TRIM6: variants seen among roughly 807,000 people sequenced by gnomAD.
TRIM6 encodes tripartite motif-containing protein 6.
In TRIM6, 43 loss-of-function variants were observed where a neutral mutation model predicts 51.2. That is an observed-to-expected ratio of 0.84 (90% CI 0.66 to 1.08). TRIM6 has a LOEUF of 1.08. TRIM6 is among the 50% of genes least tolerant of loss of function. The probability of loss-of-function intolerance (pLI) is 0.00; values close to 1 mark genes in which losing one functional copy is unlikely to be tolerated. For missense variants in TRIM6, 669 were observed against 619.0 expected (o/e 1.08, Z -0.86); for synonymous variants, 215 against 232.4 (o/e 0.93, Z 0.68).
intron 4 of TRIM6, among the ~76,000 whole-genome samples, chr11:5,606,362 G>A (rs1848208392): frequency 6.6e-6 from 1 of 152,180 alleles, no homozygotes; most frequent in South Asian, 2.1e-4. Context: ...TGAAATTCTA[G>A]CAGCTATTTT....
rs1177565372 is a variant in TRIM6 at position 5,603,485 on chromosome 11, T to C, written c.257T>C (p.Val86Ala). ...CAAGAAGGGGAAAGAAGCTGCCCTG[T>C]GTGCCAGACCAGCTACCAGCCAGGG... ...IGQEGERSCP[V>A]CQTSYQPGNL... The change falls in exon 2 of 8, where the codon GTG becomes GCG. Residue 86 changes from valine to alanine, a missense_variant. Coordinates refer to ENST00000380097, the MANE Select transcript of TRIM6 (RefSeq NM_001003818.3). 2 of 1,614,106 alleles carry C rather than the reference T, an allele frequency of 1.2e-6. No homozygotes were observed. The highest frequency in any genetic ancestry group is 3.3e-5 in the Admixed American group (2 of 60,018).
intron 1 of TRIM6, 125 bp downstream of exon 1, chr11:5,597,039 C>G: frequency 6.7e-7 from 1 of 1,495,918 alleles, no homozygotes. Flanking sequence ...TTCTTTCTCA[C>G]TGCAAATGAC....
intron 5 of TRIM6, among the ~76,000 whole-genome samples, chr11:5,609,069 C>T (rs1276652143): frequency 1.3e-5 from 2 of 151,968 alleles, no homozygotes; most frequent in Admixed American, 1.3e-4. Context: ...TCTTTTGTCT[C>T]AATTCCAGTA....
intron 4 of TRIM6, among the ~76,000 whole-genome samples, chr11:5,606,083 G>A (rs963658801): frequency 1.3e-5 from 2 of 152,124 alleles, no homozygotes; most frequent in African/African-American, 2.4e-5. Flanking sequence ...GGCACCTCTC[G>A]TCTCTGATGC....
chr11:5,605,679 C>A, intron 4 of TRIM6, 112 bp downstream of exon 4: 1 of 1,314,734 alleles, frequency 7.6e-7, no homozygotes, highest in Non-Finnish European at 1.0e-6. Flanking sequence ...GAAAACATTC[C>A]TTTGGCGCTA....
chr11:5,598,379 A>C (rs1847606977), intron 1 of TRIM6, among the ~76,000 whole-genome samples: 1 of 152,146 alleles, frequency 6.6e-6, no homozygotes, highest in Non-Finnish European at 1.5e-5. Flanking sequence ...TCTGCTCAAG[A>C]ATTTTTCTCT....
At chr11:5,605,832 T>C (rs528636810) in intron 4 of TRIM6, among the ~76,000 whole-genome samples, 1 of 152,350 alleles carries the variant, frequency 6.6e-6, no homozygotes, top group South Asian at 2.1e-4. Flanking sequence ...AGTTCTGTTG[T>C]ATCCAGTGAT....
At chr11:5,597,018 T>C (rs912689509) in intron 1 of TRIM6, 104 bp downstream of exon 1, 5 of 1,567,998 alleles carry the variant, frequency 3.2e-6, no homozygotes, top group Non-Finnish European at 4.3e-6. Context: ...TCATTATATC[T>C]TTATTTCTTT....
At chr11:5,610,039 GA>G (rs1350269098) in intron 5 of TRIM6, 105 bp from the exon 6 acceptor site, 3 of 1,184,570 alleles carry the variant, frequency 2.5e-6, no homozygotes, top group Non-Finnish European at 3.6e-6. Flanking sequence ...AGTGTATTCA[GA>G]AAGGAGGATT....
At chr11:5,602,267 CA>C (rs1847910981) in intron 1 of TRIM6, among the ~76,000 whole-genome samples, 1 of 138,682 alleles carries the variant, frequency 7.2e-6, no homozygotes, top group South Asian at 2.2e-4. Flanking sequence ...AGTGAAACCT[CA>C]TCTCTACTAA....
intron 1 of TRIM6, among the ~76,000 whole-genome samples, chr11:5,601,321 T>C (rs568264360): frequency 1.2e-4 from 19 of 152,346 alleles, no homozygotes; most frequent in African/African-American, 3.8e-4. Context: ...AGGTGCATGA[T>C]TGTGTAAAGT....
At chr11:5,604,457 T>C (rs1358723746) in intron 2 of TRIM6, 77 bp from the exon 3 acceptor site, 1 of 1,477,142 alleles carries the variant, frequency 6.8e-7, no homozygotes, top group Non-Finnish European at 9.1e-7. Flanking sequence ...GCAGAATCTC[T>C]GTCCCATTCA....
chr11:5,610,412 G>A lies in TRIM6; in HGVS notation c.959-123G>A, dbSNP rs751049519. On this transcript the variant is annotated intron_variant, in intron 6 of 7. Transcript: ENST00000380097. ...ATGCGGTTTGTATTTAAGGGGAGATGAAATGGCCAGGTGACATCCTCACAG... is the reference window on the plus strand; with the variant it reads ...ATGCGGTTTGTATTTAAGGGGAGATAAAATGGCCAGGTGACATCCTCACAG... 5 of 1,588,896 alleles carry A rather than the reference G, an allele frequency of 3.1e-6. No homozygotes were observed. In the Admixed American group the frequency reaches 6.8e-5, roughly 22 times the overall value.
At chr11:5,601,741 G>C (rs1430957357) in intron 1 of TRIM6, among the ~76,000 whole-genome samples, 1 of 152,196 alleles carries the variant, frequency 6.6e-6, no homozygotes, top group Non-Finnish European at 1.5e-5. Context: ...CTGGGCGATA[G>C]AGCAAGACTC....
At chr11:5,608,269 T>C in intron 4 of TRIM6, 103 bp from the exon 5 acceptor site, 3 of 1,533,436 alleles carry the variant, frequency 2.0e-6, no homozygotes, top group Non-Finnish European at 2.6e-6. Context: ...ATTAGGATTA[T>C]CTTTATTTGT....
chr11:5,599,326 G>A (rs2133813513), intron 1 of TRIM6, among the ~76,000 whole-genome samples: 1 of 152,152 alleles, frequency 6.6e-6, no homozygotes, highest in Middle Eastern at 3.4e-3. Flanking sequence ...TGTGTTTGTT[G>A]GGGAGGATGA....
In TRIM6 at chr11:5,612,764, A is replaced by G. The variant is rs1486725882; in HGVS notation, c.*1422A>G. On this transcript the variant is annotated 3_prime_UTR_variant, in exon 8 of 8. Transcript: ENST00000380097. ...CCCATATGGTATCCAGGAGCCACCAATGTCTGTTGAGTACTTCATACATGC... is the reference window on the plus strand; with the variant it reads ...CCCATATGGTATCCAGGAGCCACCAGTGTCTGTTGAGTACTTCATACATGC... 1.3e-5 allele frequency: 2 copies of G among 152,200 alleles called. No individual in the cohort carries two copies. The highest frequency in any genetic ancestry group is 2.4e-5 in the African/African-American group (1 of 41,450). The allele number at this position is 152,200 out of a possible 1,614,324, so 9.4% of individuals were successfully genotyped here. A position where few individuals can be genotyped will look rare whatever the true frequency, so the allele number is the denominator to read the frequency against.
intron 4 of TRIM6, among the ~76,000 whole-genome samples, chr11:5,607,534 G>T (rs1488578902): frequency 6.6e-6 from 1 of 152,116 alleles, no homozygotes; most frequent in African/African-American, 2.4e-5. Context: ...TGGAGCACAA[G>T]ATAAAAAGAC....
At chr11:5,602,306 A>G (rs1319599983) in intron 1 of TRIM6, among the ~76,000 whole-genome samples, 2 of 152,006 alleles carry the variant, frequency 1.3e-5, no homozygotes, top group Non-Finnish European at 2.9e-5. Context: ...AGCCGGACAT[A>G]GTGGCAGGCA....
Sources: allele counts gnomAD v4.1 joint callset (sites outside exome capture counted in the v4.1 genomes callset), GRCh38; gene constraint gnomAD v4.1.1; transcripts MANE v1.5; gene names NCBI Gene and HGNC (gene_info 2026-07-23, HGNC 2026-07-21).